Variants in FBXO34 observed in about 807,000 individuals in gnomAD.
The protein encoded by FBXO34 is F-box protein 34, also known as F-box only protein 34.
FBXO34 carries 12 observed loss-of-function variants against 24.5 expected under a neutral mutation model. The ratio of observed to expected loss-of-function variants is 0.49; its 90% CI spans 0.31 to 0.79. FBXO34 has a LOEUF of 0.79. FBXO34 is among the 30% of genes least tolerant of loss of function. The pLI, the probability that FBXO34 is intolerant of heterozygous loss-of-function variation, is 0.04. For synonymous variants in FBXO34, 320 were observed against 311.9 expected, an observed-to-expected ratio of 1.03 and a Z score of -0.27; for missense variants, 823 against 857.7, an observed-to-expected ratio of 0.96 and a Z score of 0.51.
chr14:55,413,678 G>C, the FBXO34 span: 1 of 343,166 alleles, frequency 2.9e-6, no homozygotes, highest in Non-Finnish European at 5.8e-6. Context: ...TCCCTTTGAC[G>C]TCTTTTTCTG....
chr14:55,424,748 A>G, the FBXO34 span, among the ~76,000 whole-genome samples: 2,263 of 152,340 alleles, frequency 0.015, 54 homozygotes, highest in African/African-American at 0.052. Flanking sequence ...ATAAATAAAG[A>G]AAATCCAATT....
intron 1 of FBXO34, among the ~76,000 whole-genome samples, chr14:55,320,148 C>T (rs1351383426): frequency 1.3e-5 from 2 of 152,172 alleles, no homozygotes; most frequent in African/African-American, 4.8e-5. Flanking sequence ...CAAAGCAGAC[C>T]TGCATCTACC....
rs115722947 is a variant in FBXO34 at position 55,291,298 on chromosome 14, C to A, written c.-11+19761C>A. On this transcript the variant is annotated intron_variant, in intron 1 of 1. Coordinates refer to ENST00000313833, the MANE Select transcript of FBXO34 (RefSeq NM_017943.4). ...GGTAGCTCTAATTTGCCTGATAGGA[C>A]ATGTAGGTAGAGAAAATACTTCTAT... Among the ~76,000 whole-genome samples, 819 of 152,246 alleles carry A rather than the reference C, an allele frequency of 5.4e-3. 8 individuals carry two copies. Among genetic ancestry groups the A allele is most frequent in the African/African-American group, 0.019 (780 of 41,542 alleles).
intron 1 of FBXO34, among the ~76,000 whole-genome samples, chr14:55,324,473 C>CT (rs1418221335): frequency 6.7e-6 from 1 of 148,798 alleles, no homozygotes; most frequent in Non-Finnish European, 1.5e-5. Context: ...TGTGGCAGTT[C>CT]TTTAAGTTTT....
the FBXO34 span, among the ~76,000 whole-genome samples, chr14:55,407,570 G>C: frequency 6.6e-6 from 1 of 152,188 alleles, no homozygotes; most frequent in Non-Finnish European, 1.5e-5. Context: ...CAACCCCTAT[G>C]TTGAGTTTTA....
downstream of FBXO34, among the ~76,000 whole-genome samples, chr14:55,365,366 TA>T (rs920688957): frequency 5.9e-5 from 9 of 151,770 alleles, no homozygotes; most frequent in South Asian, 6.2e-4. Flanking sequence ...TGCCCCGCCC[TA>T]AAAAAAATTC....
At chr14:55,439,162 C>A in the FBXO34 span, among the ~76,000 whole-genome samples, 1 of 151,918 alleles carries the variant, frequency 6.6e-6, no homozygotes, top group Non-Finnish European at 1.5e-5. Context: ...TGGTCTTGAA[C>A]TCCTGACCTC....
intron 1 of FBXO34, among the ~76,000 whole-genome samples, chr14:55,344,625 C>T (rs1049853161): frequency 7.3e-5 from 11 of 151,434 alleles, no homozygotes; most frequent in Non-Finnish European, 1.2e-4. Flanking sequence ...ATACACGTGC[C>T]ATGGTGGTTT....
intron 1 of FBXO34, among the ~76,000 whole-genome samples, chr14:55,331,534 C>G (rs938678096): frequency 7.2e-6 from 1 of 138,396 alleles, no homozygotes; most frequent in Admixed American, 7.4e-5. Context: ...GTTTGGAAAA[C>G]TAAATTGAGG....
intron 1 of FBXO34, among the ~76,000 whole-genome samples, chr14:55,308,491 G>A (rs1221787913): frequency 1.3e-5 from 2 of 152,164 alleles, no homozygotes; most frequent in African/African-American, 4.8e-5. Context: ...TTCTTCCATA[G>A]TCGGGTTAAT....
the FBXO34 span, among the ~76,000 whole-genome samples, chr14:55,413,075 C>T: frequency 2.4e-3 from 371 of 152,316 alleles, 1 homozygote; most frequent in African/African-American, 8.1e-3. Context: ...ATTACAAAAA[C>T]AAGCAAAAGC....
intron 1 of FBXO34, among the ~76,000 whole-genome samples, chr14:55,331,596 A>G (rs1883536792): frequency 7.0e-6 from 1 of 143,590 alleles, no homozygotes; most frequent in Admixed American, 7.1e-5. Flanking sequence ...GTGTGTGTAT[A>G]TATATAAAAA....
downstream of FBXO34, among the ~76,000 whole-genome samples, chr14:55,358,295 G>T (rs1179830337): frequency 6.6e-6 from 1 of 152,208 alleles, no homozygotes. Context: ...TGTGCTCCAT[G>T]CAGGGTCTTG....
chr14:55,330,256 A>G (rs1014265594), intron 1 of FBXO34, among the ~76,000 whole-genome samples: 1 of 152,114 alleles, frequency 6.6e-6, no homozygotes, highest in Non-Finnish European at 1.5e-5. Context: ...GTGTTCTTCT[A>G]AATTTGTTTC....
At chr14:55,340,217 A>T (rs886833571) in intron 1 of FBXO34, among the ~76,000 whole-genome samples, 1 of 151,956 alleles carries the variant, frequency 6.6e-6, no homozygotes, top group Non-Finnish European at 1.5e-5. Context: ...TGCTTGGTGC[A>T]CTAATACTTG....
At chr14:55,380,210 T>C in the FBXO34 span, among the ~76,000 whole-genome samples, 1 of 152,136 alleles carries the variant, frequency 6.6e-6, no homozygotes, top group Non-Finnish European at 1.5e-5. Context: ...ATTGCGCCAC[T>C]GCACTCTGGC....
the FBXO34 span, among the ~76,000 whole-genome samples, chr14:55,381,543 A>G: frequency 6.6e-6 from 1 of 152,360 alleles, no homozygotes; most frequent in South Asian, 2.1e-4. Context: ...TGTCTTATCC[A>G]TATGATGGAA....
Position 55,282,812 on chromosome 14 carries a change from CTG to C in FBXO34, c.-11+11277_-11+11278del, listed in dbSNP as rs574606842. 2.4e-3 allele frequency among the ~76,000 whole-genome samples: 364 copies of C among 152,318 alleles called. 2 individuals are homozygous for C. Among genetic ancestry groups the C allele is most frequent in the African/African-American group, 8.4e-3 (349 of 41,566 alleles). On this transcript the variant is annotated intron_variant, in intron 1 of 1. Transcript: ENST00000313833. ...TGTTCATTGAGTAGTTTATTTGAAA[CTG>C]TAGAATCATTCTTGGAACTACAGAA...
rs1164344427 is a variant in FBXO34, at chr14:55,352,657, C to T, written c.*131C>T. On this transcript the variant is annotated 3_prime_UTR_variant, in exon 2 of 2. Coordinates refer to ENST00000313833, the MANE Select transcript of FBXO34 (RefSeq NM_017943.4). Reference sequence around the variant, plus strand: ...TGTACATCATCAGGACTGCATTGCTCAGGCATTTTCTAAACTCTAAATTTA... The same window carrying T: ...TGTACATCATCAGGACTGCATTGCTTAGGCATTTTCTAAACTCTAAATTTA... 4.7e-5 allele frequency: 35 copies of T among 745,522 alleles called. No homozygotes were observed. Among genetic ancestry groups the T allele is most frequent in the Non-Finnish European group, 7.0e-5 (34 of 484,040 alleles). 46.2% of individuals were successfully genotyped at this position (745,522 alleles called of 1,614,324 possible). A position where few individuals can be genotyped will look rare whatever the true frequency, so the allele number is the denominator to read the frequency against.
Sources: gnomAD v4.1 joint callset for allele counts (sites outside exome capture counted in the v4.1 genomes callset) on GRCh38, gnomAD v4.1.1 for gene constraint, MANE v1.5 for transcripts, NCBI Gene and HGNC (gene_info 2026-07-23, HGNC 2026-07-21) for gene names.